ADARB2: variants seen among roughly 807,000 people sequenced by gnomAD.
ADARB2 encodes adenosine deaminase RNA specific B2 (inactive).
A neutral mutation model predicts 62.2 loss-of-function variants in ADARB2; 25 were observed. The observed-to-expected ratio is 0.40, with a 90% confidence interval of 0.29 to 0.56. The LOEUF (loss-of-function observed/expected upper bound fraction) is 0.56, where lower values mean the gene tolerates loss of function less well. Among genes scored for constraint, ADARB2 ranks in the 20% least tolerant of loss-of-function variants. The probability of loss-of-function intolerance (pLI) is 0.43; values close to 1 mark genes in which losing one functional copy is unlikely to be tolerated. For synonymous variants in ADARB2, 572 were observed against 500.8 expected, an observed-to-expected ratio of 1.14 and a Z score of -1.90; for missense variants, 1,071 against 1,077.4, an observed-to-expected ratio of 0.99 and a Z score of 0.08.
At chr10:1,508,879 G>A (rs1305455067) in intron 1 of ADARB2, among the ~76,000 whole-genome samples, 1 of 152,210 alleles carries the variant, frequency 6.6e-6, no homozygotes, top group Non-Finnish European at 1.5e-5. Context: ...CAGAGCTCCT[G>A]AAAGCCCAGC....
intron 3 of ADARB2, among the ~76,000 whole-genome samples, chr10:1,357,735 C>T (rs1305662183): frequency 6.6e-6 from 1 of 152,108 alleles, no homozygotes; most frequent in African/African-American, 2.4e-5. Context: ...ATAATTGAAC[C>T]TGTAATTGCA....
intron 1 of ADARB2, among the ~76,000 whole-genome samples, chr10:1,664,496 C>T (rs569505087): frequency 1.1e-3 from 162 of 152,334 alleles, no homozygotes; most frequent in African/African-American, 3.4e-3. Flanking sequence ...GCTGCTGTCA[C>T]GGCTTCTTTC....
At chr10:1,594,248 G>A (rs797011504) in intron 1 of ADARB2, among the ~76,000 whole-genome samples, 15 of 152,276 alleles carry the variant, frequency 9.9e-5, no homozygotes, top group African/African-American at 3.1e-4. Context: ...CTGAGATCGT[G>A]CCACTGCACT....
At chr10:1,377,431 G>A (rs2131859150) in intron 2 of ADARB2, among the ~76,000 whole-genome samples, 1 of 142,782 alleles carries the variant, frequency 7.0e-6, no homozygotes, top group Non-Finnish European at 1.5e-5. Flanking sequence ...CATGCCTGGT[G>A]TATGCTCCTG....
intron 6 of ADARB2, among the ~76,000 whole-genome samples, chr10:1,228,083 G>T (rs1297026969): frequency 1.3e-5 from 2 of 152,198 alleles, no homozygotes; most frequent in African/African-American, 4.8e-5. Context: ...TATATTCCCT[G>T]ACTTCCTATG....
At chr10:1,474,382 A>G (rs1281778733) in intron 1 of ADARB2, among the ~76,000 whole-genome samples, 1 of 152,088 alleles carries the variant, frequency 6.6e-6, no homozygotes, top group Non-Finnish European at 1.5e-5. Flanking sequence ...GGACACACGG[A>G]GCTCAGAGCA....
chr10:1,734,763 G>T (rs1406347911), intron 1 of ADARB2, among the ~76,000 whole-genome samples: 1 of 152,114 alleles, frequency 6.6e-6, no homozygotes, highest in African/African-American at 2.4e-5. Context: ...TCATACACAC[G>T]TGGATTTTAA....
intron 1 of ADARB2, among the ~76,000 whole-genome samples, chr10:1,636,481 C>A (rs1833918346): frequency 6.6e-6 from 1 of 152,082 alleles, no homozygotes. Flanking sequence ...TGCACCATTG[C>A]ACTCTAGCCT....
At chr10:1,513,749 C>T (rs1831969036) in intron 1 of ADARB2, among the ~76,000 whole-genome samples, 3 of 152,168 alleles carry the variant, frequency 2.0e-5, no homozygotes, top group Admixed American at 2.0e-4. Context: ...AGGAGAAGCT[C>T]TGGGCCGGTA....
intron 1 of ADARB2, among the ~76,000 whole-genome samples, chr10:1,571,879 AGTAGG>A: frequency 8.9e-6 from 1 of 112,284 alleles, no homozygotes; most frequent in East Asian, 2.5e-4. Flanking sequence ...TGTGCAGGCG[AGTAGG>A]CAGGTGAGTG....
chr10:1,715,270 A>AT (rs1377783444), intron 1 of ADARB2, among the ~76,000 whole-genome samples: 1 of 151,586 alleles, frequency 6.6e-6, no homozygotes, highest in Non-Finnish European at 1.5e-5. Flanking sequence ...TTATCCCCAG[A>AT]TTTTTCCAGT....
intron 1 of ADARB2, among the ~76,000 whole-genome samples, chr10:1,626,790 T>A (rs1833775746): frequency 6.6e-6 from 1 of 152,210 alleles, no homozygotes; most frequent in South Asian, 2.1e-4. Context: ...GTGGCCCGAT[T>A]GTTACATGTT....
intron 6 of ADARB2, among the ~76,000 whole-genome samples, chr10:1,224,398 T>G (rs1204415164): frequency 6.6e-6 from 1 of 152,166 alleles, no homozygotes; most frequent in Non-Finnish European, 1.5e-5. Context: ...ATTAATTTTT[T>G]GAAGGGTTTT....
intron 4 of ADARB2, among the ~76,000 whole-genome samples, chr10:1,245,669 A>G (rs954518914): frequency 2.0e-5 from 3 of 152,270 alleles, no homozygotes; most frequent in African/African-American, 4.8e-5. Context: ...ACATGAACTC[A>G]TCCTTTTTTA....
At chr10:1,510,111 T>TC (rs1354904218) in intron 1 of ADARB2, among the ~76,000 whole-genome samples, 1 of 29,812 alleles carries the variant, frequency 3.4e-5, no homozygotes, top group Non-Finnish European at 6.7e-5. Context: ...TTTCTTTCTC[T>TC]CTTTCTTTCT....
chr10:1,639,542 G>A (rs374404668), intron 1 of ADARB2, among the ~76,000 whole-genome samples: 38 of 152,236 alleles, frequency 2.5e-4, no homozygotes, highest in African/African-American at 7.7e-4. Flanking sequence ...ATGACTTCCC[G>A]TTCTTATAAA....
intron 1 of ADARB2, among the ~76,000 whole-genome samples, chr10:1,505,077 T>C (rs2813435): frequency 0.17 from 24,943 of 150,418 alleles, 2,314 homozygotes; most frequent in Middle Eastern, 0.23. Flanking sequence ...CACACACGGA[T>C]GCACACAGGA....
chr10:1,541,408 G>A (rs1252243624), intron 1 of ADARB2, among the ~76,000 whole-genome samples: 1 of 78,804 alleles, frequency 1.3e-5, no homozygotes, highest in Non-Finnish European at 2.5e-5. Flanking sequence ...CCCTGGATCC[G>A]TCCAGACCCC....
intron 1 of ADARB2, among the ~76,000 whole-genome samples, chr10:1,648,811 G>C (rs1834075890): frequency 6.6e-6 from 1 of 152,160 alleles, no homozygotes; most frequent in East Asian, 1.9e-4. Context: ...GCATTACAAA[G>C]TATCTTCCAT....
Sources: allele counts gnomAD v4.1 joint callset (sites outside exome capture counted in the v4.1 genomes callset), GRCh38; gene constraint gnomAD v4.1.1; transcripts MANE v1.5; gene names NCBI Gene and HGNC (gene_info 2026-07-23, HGNC 2026-07-21).